MCTP2: variants seen among roughly 807,000 people sequenced by gnomAD.
MCTP2 encodes the protein multiple C2 and transmembrane domain containing 2.
Under a neutral mutation model 111.6 loss-of-function variants are expected in MCTP2, and 132 were observed. That is an observed-to-expected ratio of 1.18 (90% CI 1.03 to 1.37). The LOEUF (loss-of-function observed/expected upper bound fraction) is 1.37. MCTP2 is among the 40% of genes most tolerant of loss of function. MCTP2 has a pLI of 0.00. For synonymous variants in MCTP2, 395 were observed against 387.7 expected (o/e 1.02, Z -0.22); for missense variants, 1,183 against 1,067.9 (o/e 1.11, Z -1.50).
intron 19 of MCTP2, among the ~76,000 whole-genome samples, chr15:94,444,249 A>T (rs976144227): frequency 7.2e-5 from 11 of 152,206 alleles, no homozygotes; most frequent in Non-Finnish European, 1.5e-4. Context: ...CGGATGGGGG[A>T]ATGGGTGTGG....
chr15:94,347,615 T>A (rs564900972), intron 8 of MCTP2, among the ~76,000 whole-genome samples: 84 of 152,274 alleles, frequency 5.5e-4, no homozygotes, highest in African/African-American at 1.9e-3. Context: ...CAAATAAGAA[T>A]TGGGAATTTC....
At chr15:94,346,015 C>T (rs780553195) in intron 8 of MCTP2, among the ~76,000 whole-genome samples, 14 of 151,886 alleles carry the variant, frequency 9.2e-5, no homozygotes, top group East Asian at 1.9e-4. Context: ...ATAAATACGC[C>T]AGCTCTGATT....
intron 20 of MCTP2, among the ~76,000 whole-genome samples, chr15:94,461,188 G>A (rs147864801): frequency 0.013 from 2,054 of 152,250 alleles, 49 homozygotes; most frequent in African/African-American, 0.044. Flanking sequence ...GGCTGGGCAC[G>A]GTGGCTCACA....
intron 17 of MCTP2, among the ~76,000 whole-genome samples, chr15:94,424,191 AT>A (rs2082763930): frequency 6.6e-6 from 1 of 152,188 alleles, no homozygotes; most frequent in Non-Finnish European, 1.5e-5. Context: ...CGTTTTTGAT[AT>A]TCATCTATGT....
At chr15:94,316,072 A>G (rs566569410) in intron 4 of MCTP2, among the ~76,000 whole-genome samples, 47 of 152,304 alleles carry the variant, frequency 3.1e-4, no homozygotes, top group Middle Eastern at 3.4e-3. Context: ...GACTCCCTCT[A>G]ATAGCTAGTG....
chr15:94,409,334 C>T (rs2082048176), intron 17 of MCTP2, among the ~76,000 whole-genome samples: 2 of 152,126 alleles, frequency 1.3e-5, no homozygotes, highest in South Asian at 4.1e-4. Context: ...CCTCAGCCTG[C>T]AGATGGCCTA....
chr15:94,458,090 A>AT, intron 19 of MCTP2, 47 bp from the exon 20 acceptor site: 1 of 1,033,772 alleles, frequency 9.7e-7, no homozygotes. Flanking sequence ...TATCAGCATG[A>AT]TAAAAAATGA....
chr15:94,340,650 T>C (rs1406151217), intron 6 of MCTP2, among the ~76,000 whole-genome samples, 163 bp from the exon 7 acceptor site: 4 of 152,198 alleles, frequency 2.6e-5, no homozygotes, highest in Non-Finnish European at 5.9e-5. Context: ...GTTTCTCTAC[T>C]CTGAATATAA....
Position 94,367,728 on chromosome 15 carries a change from CTCTGATCTGTGTG to C in MCTP2, c.1430_1442del (p.Asp477AlafsTer3). 6.2e-7 allele frequency: 1 copy of C among 1,609,200 alleles called. No individual in the cohort carries two copies. The highest frequency in any genetic ancestry group is 8.5e-7 in the Non-Finnish European group (1 of 1,178,024). ...TTACACCCTGTGCGGGGGTCTCCGT[CTCTGATCTGTGTG>C]TCTGCCCCTTAGCAGACCTCAGCGA... On this transcript the variant is annotated frameshift_variant, in exon 11 of 23. Coordinates refer to ENST00000357742, the MANE Select transcript of MCTP2 (RefSeq NM_001385001.1). LOFTEE classifies it high-confidence loss of function.
rs201502636 is a variant in MCTP2, at chr15:94,338,488, ATTTTT to A, written c.638-786_638-782del. ...TAATTCATGTATTATGTTTGCAGGC[ATTTTT>A]TTTTTTTTTTTTTTTACTTCCATTG... On this transcript the variant is annotated intron_variant, in intron 4 of 22. Coordinates refer to ENST00000357742, the MANE Select transcript of MCTP2 (RefSeq NM_001385001.1). Among the ~76,000 whole-genome samples the A allele has an allele frequency of 2.1e-3, 286 of 134,188 alleles. 1 individual carries two copies. The highest frequency in any genetic ancestry group is 4.7e-3 in the African/African-American group (169 of 35,746). The allele number at this position is 134,188 out of a possible 152,430, so 88.0% of individuals were successfully genotyped here. A position where few individuals can be genotyped will look rare whatever the true frequency, so the allele number is the denominator to read the frequency against.
chr15:94,400,045 C>T (rs763344170), intron 16 of MCTP2, 50 bp downstream of exon 16: 32 of 1,491,204 alleles, frequency 2.1e-5, no homozygotes, highest in Non-Finnish European at 2.9e-5. Flanking sequence ...CAGCACCCAG[C>T]AGCTGAAGTA....
intron 19 of MCTP2, among the ~76,000 whole-genome samples, chr15:94,443,888 T>G (rs1157252316): frequency 6.6e-6 from 1 of 150,876 alleles, no homozygotes; most frequent in African/African-American, 2.4e-5. Context: ...CTTATTGATG[T>G]CTTGATGTTA....
intron 20 of MCTP2, among the ~76,000 whole-genome samples, chr15:94,468,908 A>G: frequency 6.6e-6 from 1 of 152,168 alleles, no homozygotes; most frequent in Non-Finnish European, 1.5e-5. Flanking sequence ...GATTACAGAC[A>G]TGAGCCACCA....
intron 13 of MCTP2, 26 bp downstream of exon 13, chr15:94,384,150 T>C (rs2080317718): frequency 6.6e-7 from 1 of 1,524,162 alleles, no homozygotes; most frequent in Non-Finnish European, 9.1e-7. Context: ...TCTGGAATTA[T>C]TTCTGCTGTG....
Position 94,286,562 on chromosome 15 carries a change from C to T in MCTP2, c.-65-11639C>T, listed in dbSNP as rs550863095. ...TAAAAAAGAAGTTTGAGAAACAATC[C>T]GAGTCAGTGTTACTGAATAGCTCTA... On this transcript the variant is annotated intron_variant, in intron 1 of 22. Coordinates refer to ENST00000357742, the MANE Select transcript of MCTP2 (RefSeq NM_001385001.1). 1.1e-4 allele frequency among the ~76,000 whole-genome samples: 16 copies of T among 152,074 alleles called. 1 individual carries two copies. Among genetic ancestry groups the T allele is most frequent in the Admixed American group, 8.5e-4 (13 of 15,266 alleles).
intron 17 of MCTP2, among the ~76,000 whole-genome samples, chr15:94,418,138 G>A (rs1455857557): frequency 6.6e-6 from 1 of 152,110 alleles, no homozygotes; most frequent in Non-Finnish European, 1.5e-5. Flanking sequence ...TAAGTGTTAT[G>A]TTTAAGCTTT....
chr15:94,309,277 G>A (rs1445274078), intron 2 of MCTP2, among the ~76,000 whole-genome samples: 1 of 150,636 alleles, frequency 6.6e-6, no homozygotes. Flanking sequence ...ATTTGTGTTT[G>A]TGACTCCTGT....
intron 12 of MCTP2, among the ~76,000 whole-genome samples, chr15:94,379,102 AG>A (rs1401216952): frequency 1.3e-5 from 2 of 149,994 alleles, no homozygotes; most frequent in Non-Finnish European, 3.0e-5. Flanking sequence ...TTTTTTGGAG[AG>A]CAAGGAGATT....
chr15:94,472,159 C>T (rs1315476762), intron 21 of MCTP2, among the ~76,000 whole-genome samples: 4 of 152,202 alleles, frequency 2.6e-5, no homozygotes, highest in African/African-American at 4.8e-5. Flanking sequence ...GGGCAGATCA[C>T]CCGAGGTCAG....
Sources: gnomAD v4.1 joint callset for allele counts (sites outside exome capture counted in the v4.1 genomes callset) on GRCh38, gnomAD v4.1.1 for gene constraint, MANE v1.5 for transcripts, NCBI Gene and HGNC (gene_info 2026-07-23, HGNC 2026-07-21) for gene names.